The following CERS6 variants were observed in gnomAD, a reference collection of about 807,000 sequenced individuals.
The protein encoded by CERS6 is LAG1 homolog, ceramide synthase 6.
CERS6 carries 26 observed loss-of-function variants against 56.8 expected under a neutral mutation model. The ratio of observed to expected loss-of-function variants is 0.46; its 90% CI spans 0.34 to 0.63. The LOEUF (loss-of-function observed/expected upper bound fraction) is 0.63, where lower values mean the gene tolerates loss of function less well. Among genes scored for constraint, CERS6 ranks in the 30% least tolerant of loss-of-function variants. CERS6 has a pLI of 0.01. For missense variants in CERS6, 415 were observed against 467.5 expected (o/e 0.89, Z 1.04); for synonymous variants, 164 against 173.3 (o/e 0.95, Z 0.42).
intron 2 of CERS6, among the ~76,000 whole-genome samples, chr2:168,553,431 G>A (rs1695613609): frequency 6.6e-6 from 1 of 151,962 alleles, no homozygotes; most frequent in Non-Finnish European, 1.5e-5. Context: ...TAAAGTTGCT[G>A]GACTTGATAA....
Position 168,774,772 on chromosome 2 carries a change from C to T in CERS6, c.*5110C>T, listed in dbSNP as rs1684959912. 1 of 152,116 alleles carries T rather than the reference C, an allele frequency of 6.6e-6. No individual in the cohort carries two copies. Among genetic ancestry groups the T allele is most frequent in the Non-Finnish European group, 1.5e-5 (1 of 68,024 alleles). The allele number at this position is 152,116 out of a possible 1,614,324, so 9.4% of individuals were successfully genotyped here. On this transcript the variant is annotated 3_prime_UTR_variant, in exon 10 of 10. Coordinates refer to ENST00000305747, the MANE Select transcript of CERS6 (RefSeq NM_203463.3). ...TTTGATTTCCCAAAGTTTCATAAAG[C>T]CCCTAAGCTCATGATTTTCATCAAC...
intron 1 of CERS6, among the ~76,000 whole-genome samples, chr2:168,518,083 CATT>C (rs1418483738): frequency 4.6e-5 from 7 of 152,126 alleles, no homozygotes; most frequent in African/African-American, 1.2e-4. Context: ...ATAATTTAGT[CATT>C]GTTGTTTACG....
chr2:168,467,297 A>G (rs1290646746), intron 1 of CERS6, among the ~76,000 whole-genome samples: 1 of 152,220 alleles, frequency 6.6e-6, no homozygotes, highest in Admixed American at 6.5e-5. Flanking sequence ...CACCATTTCA[A>G]AGCAGAATAA....
At chr2:168,763,623 A>G (rs1423027745) in intron 8 of CERS6, among the ~76,000 whole-genome samples, 3 of 151,854 alleles carry the variant, frequency 2.0e-5, no homozygotes, top group Non-Finnish European at 4.4e-5. Flanking sequence ...TCTCATCACA[A>G]TTTATTTTAT....
At chr2:168,493,155 A>G (rs1367543430) in intron 1 of CERS6, among the ~76,000 whole-genome samples, 1 of 152,184 alleles carries the variant, frequency 6.6e-6, no homozygotes, top group South Asian at 2.1e-4. Context: ...TTGAAACTGG[A>G]TGTTTTGGTT....
chr2:168,690,227 G>T (rs1686464688), intron 4 of CERS6, among the ~76,000 whole-genome samples: 1 of 152,118 alleles, frequency 6.6e-6, no homozygotes, highest in African/African-American at 2.4e-5. Flanking sequence ...GTATATAGAT[G>T]TATATCAGAA....
intron 1 of CERS6, among the ~76,000 whole-genome samples, chr2:168,523,470 G>T: frequency 6.6e-6 from 1 of 152,176 alleles, no homozygotes; most frequent in East Asian, 1.9e-4. Context: ...AATAAAAGGG[G>T]TGTTTTGTTT....
intron 3 of CERS6, among the ~76,000 whole-genome samples, chr2:168,580,001 C>G (rs1159428449): frequency 6.6e-6 from 1 of 152,210 alleles, no homozygotes; most frequent in African/African-American, 2.4e-5. Flanking sequence ...GAAATATACT[C>G]TATGCCAACT....
intron 3 of CERS6, among the ~76,000 whole-genome samples, chr2:168,611,910 T>C (rs904456846): frequency 1.3e-5 from 2 of 152,198 alleles, no homozygotes; most frequent in African/African-American, 4.8e-5. Flanking sequence ...TCAAATCTAA[T>C]AGGAGATGTC....
At chr2:168,653,984 A>C (rs937237635) in intron 4 of CERS6, among the ~76,000 whole-genome samples, 33 of 152,166 alleles carry the variant, frequency 2.2e-4, no homozygotes, top group African/African-American at 7.2e-4. Flanking sequence ...CTCAATATAT[A>C]ATCTTCCTAA....
At chr2:168,719,848 C>G (rs554811412) in intron 8 of CERS6, among the ~76,000 whole-genome samples, 1 of 152,076 alleles carries the variant, frequency 6.6e-6, no homozygotes, top group Non-Finnish European at 1.5e-5. Context: ...ACAATATTTT[C>G]TAGTAGCCAT....
chr2:168,560,181 T>C (rs938749591), intron 2 of CERS6, among the ~76,000 whole-genome samples: 1 of 152,144 alleles, frequency 6.6e-6, no homozygotes. Context: ...AATTCCCCTT[T>C]TTAAAACCAT....
At chr2:168,758,583 A>G (rs575135237) in intron 8 of CERS6, among the ~76,000 whole-genome samples, 3 of 152,204 alleles carry the variant, frequency 2.0e-5, no homozygotes, top group Non-Finnish European at 4.4e-5. Context: ...TAACCCATTC[A>G]TACGGTAAGA....
chr2:168,561,961 C>T (rs535319726), intron 3 of CERS6, among the ~76,000 whole-genome samples: 1 of 152,150 alleles, frequency 6.6e-6, no homozygotes, highest in East Asian at 1.9e-4. Context: ...ATGCACTTAC[C>T]TATAGGAAAA....
At chr2:168,507,708 A>G (rs934067153) in intron 1 of CERS6, among the ~76,000 whole-genome samples, 2 of 152,142 alleles carry the variant, frequency 1.3e-5, no homozygotes, top group African/African-American at 2.4e-5. Context: ...CCCACATCCA[A>G]TGACAACTTC....
chr2:168,588,909 T>G (rs1414600627), intron 3 of CERS6, among the ~76,000 whole-genome samples: 1 of 152,164 alleles, frequency 6.6e-6, no homozygotes, highest in Non-Finnish European at 1.5e-5. Context: ...TGGCCATTTT[T>G]TTGTATCTTT....
intron 8 of CERS6, among the ~76,000 whole-genome samples, chr2:168,751,562 T>C (rs927206835): frequency 6.6e-6 from 1 of 152,198 alleles, no homozygotes; most frequent in African/African-American, 2.4e-5. Flanking sequence ...TCTCAAGCCT[T>C]GCTCTTGATC....
chr2:168,585,379 T>A (rs1049673804), intron 3 of CERS6, among the ~76,000 whole-genome samples: 8 of 152,270 alleles, frequency 5.3e-5, no homozygotes, highest in African/African-American at 1.9e-4. Flanking sequence ...AAGGAGCTCA[T>A]GTTCTACGTT....
intron 4 of CERS6, among the ~76,000 whole-genome samples, chr2:168,648,002 G>C (rs571323202): frequency 6.6e-6 from 1 of 152,148 alleles, no homozygotes; most frequent in South Asian, 2.1e-4. Context: ...CCAGGTTTTG[G>C]TATCAGGATG....
Sources: gnomAD v4.1 joint callset for allele counts (sites outside exome capture counted in the v4.1 genomes callset) on GRCh38, gnomAD v4.1.1 for gene constraint, MANE v1.5 for transcripts, NCBI Gene and HGNC (gene_info 2026-07-23, HGNC 2026-07-21) for gene names.